The following NRXN1 variants were observed in gnomAD, a reference collection of about 807,000 sequenced individuals.
NRXN1 encodes the protein neurexin-1.
A neutral mutation model predicts 150.9 loss-of-function variants in NRXN1; 39 were observed. The observed-to-expected ratio is 0.26, with a 90% confidence interval of 0.20 to 0.34. The LOEUF (loss-of-function observed/expected upper bound fraction) is 0.34, where lower values mean the gene tolerates loss of function less well. Among genes scored for constraint, NRXN1 ranks in the 10% least tolerant of loss-of-function variants. NRXN1 has a pLI of 1.00. For missense variants in NRXN1, 1,815 were observed against 1,949.9 expected, an observed-to-expected ratio of 0.93 and a Z score of 1.30; for synonymous variants, 924 against 757.0, an observed-to-expected ratio of 1.22 and a Z score of -3.62.
intron 17 of NRXN1, among the ~76,000 whole-genome samples, chr2:50,247,996 T>G (rs568952430): frequency 5.0e-4 from 76 of 152,196 alleles, no homozygotes; most frequent in African/African-American, 1.7e-3. Context: ...ATATTAGTCA[T>G]GAAGAGCAAT....
chr2:50,981,725 C>T (rs1380248618), intron 2 of NRXN1, among the ~76,000 whole-genome samples: 2 of 151,832 alleles, frequency 1.3e-5, no homozygotes, highest in African/African-American at 4.8e-5. Flanking sequence ...GAAATGATAA[C>T]CACCAACAAA....
chr2:50,123,226 T>C (rs1704109495), intron 18 of NRXN1, among the ~76,000 whole-genome samples: 2 of 151,894 alleles, frequency 1.3e-5, no homozygotes, highest in Non-Finnish European at 2.9e-5. Flanking sequence ...ATATATAATG[T>C]GAGAGAGAGG....
chr2:50,663,136 G>T (rs1687547196), intron 5 of NRXN1, among the ~76,000 whole-genome samples: 1 of 151,952 alleles, frequency 6.6e-6, no homozygotes, highest in Non-Finnish European at 1.5e-5. Context: ...TGTTTCCCAG[G>T]GCTATTGTGC....
intron 5 of NRXN1, among the ~76,000 whole-genome samples, chr2:50,826,530 G>A (rs1438637926): frequency 6.6e-6 from 1 of 152,070 alleles, no homozygotes; most frequent in African/African-American, 2.4e-5. Context: ...AAAATGAAAA[G>A]ACCCATATAA....
chr2:50,530,404 G>A (rs1015149034), intron 11 of NRXN1, among the ~76,000 whole-genome samples: 14 of 152,164 alleles, frequency 9.2e-5, no homozygotes, highest in South Asian at 2.1e-4. Context: ...AGCCCTTTCC[G>A]TGATAAGACT....
intron 2 of NRXN1, among the ~76,000 whole-genome samples, chr2:51,014,434 G>A (rs532244486): frequency 3.3e-5 from 5 of 152,140 alleles, no homozygotes; most frequent in African/African-American, 9.6e-5. Context: ...TATGTCAGCA[G>A]AGAAAGGATA....
At chr2:50,327,834 G>C (rs1422506040) in intron 17 of NRXN1, among the ~76,000 whole-genome samples, 4 of 151,968 alleles carry the variant, frequency 2.6e-5, no homozygotes, top group Non-Finnish European at 5.9e-5. Flanking sequence ...ATTTTTAGTA[G>C]AGACAGGGTT....
At chr2:50,048,487 G>A (rs554395160) in intron 21 of NRXN1, among the ~76,000 whole-genome samples, 12 of 152,172 alleles carry the variant, frequency 7.9e-5, no homozygotes, top group African/African-American at 2.9e-4. Context: ...GTTGCAAAAT[G>A]TATTTTGTTA....
chr2:50,278,924 T>A (rs1233843199), intron 17 of NRXN1, among the ~76,000 whole-genome samples: 1 of 152,206 alleles, frequency 6.6e-6, no homozygotes, highest in Non-Finnish European at 1.5e-5. Flanking sequence ...ATAAAGCACC[T>A]CTTAAAATAT....
At chr2:50,736,171 T>A (rs910545039) in intron 5 of NRXN1, among the ~76,000 whole-genome samples, 2 of 152,186 alleles carry the variant, frequency 1.3e-5, no homozygotes, top group African/African-American at 4.8e-5. Flanking sequence ...CCAGCTCCAT[T>A]CTACCATAGG....
At chr2:50,790,191 C>T (rs949640983) in intron 5 of NRXN1, among the ~76,000 whole-genome samples, 4 of 151,888 alleles carry the variant, frequency 2.6e-5, no homozygotes, top group East Asian at 1.9e-4. Flanking sequence ...CCATGGCTTC[C>T]GAATTATGAA....
At chr2:50,402,234 C>A (rs569351967) in intron 17 of NRXN1, among the ~76,000 whole-genome samples, 24 of 151,952 alleles carry the variant, frequency 1.6e-4, no homozygotes, top group African/African-American at 5.8e-4. Flanking sequence ...TTTTTTTCCA[C>A]TAATTTAATA....
chr2:51,021,775 G>C (rs1374169339), intron 2 of NRXN1, among the ~76,000 whole-genome samples: 1 of 151,838 alleles, frequency 6.6e-6, no homozygotes, highest in East Asian at 1.9e-4. Flanking sequence ...GATAGACAAT[G>C]TACTATAAAC....
intron 18 of NRXN1, among the ~76,000 whole-genome samples, chr2:50,160,115 C>T (rs368495132): frequency 2.0e-5 from 3 of 152,098 alleles, no homozygotes; most frequent in African/African-American, 7.2e-5. Flanking sequence ...ACCTTCATGG[C>T]TTTTTGACAT....
At chr2:50,642,932 G>A (rs1684277576) in intron 5 of NRXN1, among the ~76,000 whole-genome samples, 2 of 151,700 alleles carry the variant, frequency 1.3e-5, no homozygotes, top group African/African-American at 4.8e-5. Flanking sequence ...GTTCACTCAA[G>A]GAAACTAAGT....
chr2:50,878,718 T>C (rs1020917053), intron 5 of NRXN1, among the ~76,000 whole-genome samples: 3 of 151,904 alleles, frequency 2.0e-5, no homozygotes, highest in Non-Finnish European at 2.9e-5. Flanking sequence ...GCTGACGAGA[T>C]TGTTCCACAG....
At chr2:50,058,607 A>G (rs1694003947) in intron 19 of NRXN1, among the ~76,000 whole-genome samples, 1 of 152,198 alleles carries the variant, frequency 6.6e-6, no homozygotes, top group Admixed American at 6.6e-5. Context: ...GCAAAATTAT[A>G]TGCAGATACA....
intron 8 of NRXN1, among the ~76,000 whole-genome samples, chr2:50,598,011 C>T (rs1304679494): frequency 1.3e-5 from 2 of 152,026 alleles, no homozygotes; most frequent in African/African-American, 4.8e-5. Context: ...TGGTGGCAGG[C>T]ACCTGTAATC....
At chr2:50,258,566 G>T (rs1167775519) in intron 17 of NRXN1, among the ~76,000 whole-genome samples, 1 of 151,902 alleles carries the variant, frequency 6.6e-6, no homozygotes, top group African/African-American at 2.4e-5. Context: ...CATCTATGAA[G>T]GTTGAAATCA....
Sources: allele counts gnomAD v4.1 joint callset (sites outside exome capture counted in the v4.1 genomes callset), GRCh38; gene constraint gnomAD v4.1.1; transcripts MANE v1.5; gene names NCBI Gene and HGNC (gene_info 2026-07-23, HGNC 2026-07-21).